KAZN: variants seen among roughly 807,000 people sequenced by gnomAD.
KAZN encodes the protein kazrin, periplakin interacting protein.
In KAZN, 40 loss-of-function variants were observed where a neutral mutation model predicts 87.4. The ratio of observed to expected loss-of-function variants is 0.46; its 90% confidence interval spans 0.36 to 0.60. KAZN has a LOEUF of 0.60. KAZN is among the 20% of genes least tolerant of loss of function. KAZN has a pLI of 0.00. For missense variants in KAZN, 898 were observed against 1,073.9 expected, an observed-to-expected ratio of 0.84 and a Z score of 2.29; for synonymous variants, 466 against 458.3, an observed-to-expected ratio of 1.02 and a Z score of -0.22.
intron 2 of KAZN, among the ~76,000 whole-genome samples, chr1:14,268,623 C>T (rs1419930770): frequency 6.6e-6 from 1 of 152,100 alleles, no homozygotes; most frequent in Non-Finnish European, 1.5e-5. Context: ...TGATAATTTC[C>T]CTCTCCAGTT....
chr1:14,626,470 G>A (rs903116332), intron 1 of KAZN, among the ~76,000 whole-genome samples: 1 of 152,200 alleles, frequency 6.6e-6, no homozygotes, highest in Admixed American at 6.5e-5. Flanking sequence ...ATGAGAAAGT[G>A]GAGGTCCAGA....
At position 15,073,470 on chromosome 1, in the gene KAZN, G is replaced by A. The variant is rs892576286; in HGVS notation, c.1222+7717G>A. 5.3e-5 allele frequency among the ~76,000 whole-genome samples: 8 copies of A among 150,720 alleles called. No homozygotes were observed. The East Asian group carries it at 1.7e-3, about 31-fold the overall frequency. On this transcript the variant is annotated intron_variant, in intron 8 of 14. Transcript: ENST00000376030. ...GGTAGGTTGAGGCCACCTTCCTGGGGCAACCCCAGGGTCCCCCCAGTAAGG... is the reference window on the plus strand; with the variant it reads ...GGTAGGTTGAGGCCACCTTCCTGGGACAACCCCAGGGTCCCCCCAGTAAGG...
At chr1:13,997,122 G>A (rs369905598) in intron 1 of KAZN, among the ~76,000 whole-genome samples, 24 of 152,026 alleles carry the variant, frequency 1.6e-4, no homozygotes, top group African/African-American at 5.3e-4. Flanking sequence ...TACAGAAGAG[G>A]GACTTGACCA....
At chr1:14,422,024 CTG>C (rs1665461849) in intron 2 of KAZN, among the ~76,000 whole-genome samples, 1 of 152,208 alleles carries the variant, frequency 6.6e-6, no homozygotes, top group Non-Finnish European at 1.5e-5. Context: ...ACTCCAGTGA[CTG>C]AGATTTGGAA....
intron 1 of KAZN, among the ~76,000 whole-genome samples, chr1:14,676,480 C>G (rs1222217698): frequency 6.6e-6 from 1 of 152,148 alleles, no homozygotes. Context: ...TTGCTCTGTC[C>G]TCCTGCAGGG....
rs1320306523 is a variant in KAZN at position 13,924,354 on chromosome 1, T to C, written c.91+30598T>C. ...ATGAAGGGGACTTCAACTTCAGTAATATTTTCTTTTATTAAAATACACTGA... is the reference window on the plus strand; with the variant it reads ...ATGAAGGGGACTTCAACTTCAGTAACATTTTCTTTTATTAAAATACACTGA... On this transcript the variant is annotated intron_variant, in intron 1 of 16. Transcript: ENST00000636203. Among the ~76,000 whole-genome samples the C allele has an allele frequency of 3.3e-5, 5 of 152,248 alleles. No individual in the cohort carries two copies. The East Asian group carries it at 9.6e-4, about 29-fold the overall frequency.
chr1:15,027,227 G>A lies in KAZN; in HGVS notation c.419-7522G>A, dbSNP rs547963696. Among the ~76,000 whole-genome samples the A allele has an allele frequency of 5.1e-3, 776 of 151,986 alleles. 11 individuals carry two copies. Among genetic ancestry groups the A allele is most frequent in the Middle Eastern group, 0.017 (5 of 292 alleles). ...CTCCCCAGTAGCTGGGACTACAGGC[G>A]CCCGCACCACTCCCGGCTAATTTTT... On this transcript the variant is annotated intron_variant, in intron 2 of 14. Transcript: ENST00000376030.
intron 4 of KAZN, 135 bp from the exon 5 acceptor site, chr1:15,055,956 C>G (rs1020771070): frequency 2.5e-6 from 2 of 816,010 alleles, no homozygotes; most frequent in African/African-American, 1.7e-5. Context: ...TACCAATTGA[C>G]GCTCGATGCC....
chr1:14,890,008 C>T (rs1654527615), intron 1 of KAZN, among the ~76,000 whole-genome samples: 1 of 152,204 alleles, frequency 6.6e-6, no homozygotes, highest in African/African-American at 2.4e-5. Flanking sequence ...TTACAATGGG[C>T]TTTTTATGTC....
intron 4 of KAZN, among the ~76,000 whole-genome samples, chr1:15,049,193 C>G (rs1280986427): frequency 6.6e-6 from 1 of 152,214 alleles, no homozygotes; most frequent in African/African-American, 2.4e-5. Context: ...CCACCAGCCT[C>G]CCTAGTCACA....
intron 2 of KAZN, among the ~76,000 whole-genome samples, chr1:14,466,769 C>G (rs56201826): frequency 2.6e-5 from 4 of 151,850 alleles, no homozygotes; most frequent in Non-Finnish European, 5.9e-5. Flanking sequence ...GAGATGGAGA[C>G]CATCCTGGCT....
At chr1:14,461,574 C>T (rs1399282033) in intron 2 of KAZN, among the ~76,000 whole-genome samples, 5 of 152,182 alleles carry the variant, frequency 3.3e-5, no homozygotes, top group East Asian at 1.9e-4. Flanking sequence ...AGTGTGAAAA[C>T]GGACTAATAC....
At chr1:13,945,137 C>T (rs1289140395) in intron 1 of KAZN, among the ~76,000 whole-genome samples, 4 of 152,006 alleles carry the variant, frequency 2.6e-5, no homozygotes, top group Non-Finnish European at 4.4e-5. Flanking sequence ...ATAACAGGCT[C>T]AATCCACCTG....
At chr1:13,962,378 C>T (rs1641786733) in intron 1 of KAZN, among the ~76,000 whole-genome samples, 1 of 152,082 alleles carries the variant, frequency 6.6e-6, no homozygotes, top group Non-Finnish European at 1.5e-5. Context: ...AAGGCAACAC[C>T]TTCTCAGAAT....
intron 2 of KAZN, among the ~76,000 whole-genome samples, chr1:14,225,093 A>T (rs1647214760): frequency 6.6e-6 from 1 of 152,328 alleles, no homozygotes; most frequent in Middle Eastern, 3.4e-3. Context: ...CCAAAGAGAA[A>T]GAAGAAAAGT....
rs1452197544 is a variant in KAZN, at chr1:15,089,848, A to G, written c.1223-4332A>G. Among the ~76,000 whole-genome samples, 4 of 150,694 alleles carry G rather than the reference A, an allele frequency of 2.7e-5. No individual in the cohort carries two copies. In the East Asian group the frequency reaches 7.8e-4, roughly 30 times the overall value. On this transcript the variant is annotated intron_variant, in intron 8 of 14. Coordinates refer to ENST00000376030, the MANE Select transcript of KAZN (RefSeq NM_201628.3). ...AGTTGGCATCAGTTCATTGGTGGAG[A>G]TGACGTTACTGGGCAGTGTTCTTTG...
intron 3 of KAZN, among the ~76,000 whole-genome samples, chr1:15,041,331 C>CTTTTTTTTTTTTTTTTTTTTTTTT (rs71000360): frequency 1.1e-4 from 12 of 114,128 alleles, no homozygotes; most frequent in African/African-American, 2.5e-4. Flanking sequence ...CATTTTTTTT[C>CTTTTTTTTTTTTTTTTTTTTTTTT]TTTTTTTTTT....
chr1:14,690,638 C>T (rs1557892442), intron 1 of KAZN, among the ~76,000 whole-genome samples: 2 of 152,262 alleles, frequency 1.3e-5, no homozygotes, highest in East Asian at 1.9e-4. Flanking sequence ...AGAAGGAATG[C>T]TGCTTCTAAA....
intron 1 of KAZN, among the ~76,000 whole-genome samples, chr1:14,893,867 T>C (rs1051070517): frequency 2.0e-5 from 3 of 152,076 alleles, no homozygotes; most frequent in African/African-American, 7.2e-5. Context: ...TACTGGGACG[T>C]CTCAAAACTT....
Sources: gnomAD v4.1 joint callset for allele counts (sites outside exome capture counted in the v4.1 genomes callset) on GRCh38, gnomAD v4.1.1 for gene constraint, MANE v1.5 for transcripts, NCBI Gene and HGNC (gene_info 2026-07-23, HGNC 2026-07-21) for gene names.